GRK5: variants seen among roughly 807,000 people sequenced by gnomAD.
The protein encoded by GRK5 is g protein-coupled receptor kinase GRK5.
Under a neutral mutation model 78.4 loss-of-function variants are expected in GRK5, and 40 were observed. The observed-to-expected ratio is 0.51, with a 90% CI of 0.40 to 0.66. The LOEUF is 0.66. Among genes scored for constraint, GRK5 ranks in the 30% least tolerant of loss-of-function variants. The pLI is 0.00. For synonymous variants in GRK5, 289 were observed against 296.8 expected, an observed-to-expected ratio of 0.97 and a Z score of 0.27; for missense variants, 598 against 759.9, an observed-to-expected ratio of 0.79 and a Z score of 2.50.
intron 2 of GRK5, among the ~76,000 whole-genome samples, chr10:119,343,489 C>G (rs1379395640): frequency 6.6e-6 from 1 of 152,250 alleles, no homozygotes; most frequent in South Asian, 2.1e-4. Flanking sequence ...AAGTTGCTCA[C>G]AGGCACAGAT....
intron 1 of GRK5, among the ~76,000 whole-genome samples, chr10:119,252,638 C>G (rs1849222282): frequency 6.6e-6 from 1 of 152,192 alleles, no homozygotes; most frequent in South Asian, 2.1e-4. Flanking sequence ...CTAGAACAGT[C>G]TACCTTTCTA....
At position 119,336,646 on chromosome 10, in the gene GRK5, C is replaced by T. The variant is rs1237491934; in HGVS notation, c.148+10035C>T. 6.6e-6 allele frequency among the ~76,000 whole-genome samples: 1 copy of T among 152,182 alleles called. No homozygotes were observed. The highest frequency in any genetic ancestry group is 1.5e-5 in the Non-Finnish European group (1 of 68,034). On this transcript the variant is annotated intron_variant, in intron 2 of 15. Coordinates refer to ENST00000392870, the MANE Select transcript of GRK5 (RefSeq NM_005308.3). This position sits in a 1 kb window ranked among gnomAD's most constrained non-coding sequence, Gnocchi z 4.5. ...CAGAATCTCACACGTCTTGGTGACC[C>T]AGTCCCCTTCAGGCCTGCCTGGCTG...
intron 2 of GRK5, among the ~76,000 whole-genome samples, chr10:119,331,945 G>C (rs1321394755): frequency 1.3e-5 from 2 of 152,092 alleles, no homozygotes; most frequent in African/African-American, 4.8e-5. Context: ...TCAGAAGAAT[G>C]CTTTTATAGA....
rs750451687 is a variant in GRK5 at position 119,436,797 on chromosome 10, C to T, written c.885C>T (p.Ile295=). Residue 295 remains isoleucine (I), a synonymous_variant, in exon 9 of 16, where the codon ATC becomes ATT. Transcript: ENST00000392870. ...EERALFYAAE[I]LCGLEDLHRE... ...GGGCCTTGTTTTATGCGGCAGAGATCCTCTGCGGCTTAGAAGACCTCCACC... is the reference window on the plus strand; with the variant it reads ...GGGCCTTGTTTTATGCGGCAGAGATTCTCTGCGGCTTAGAAGACCTCCACC... The T allele has an allele frequency of 2.5e-5, 40 of 1,613,476 alleles. No individual in the cohort carries two copies. In the Admixed American group the frequency reaches 6.5e-4, roughly 26 times the overall value.
rs1419741414 is a variant in GRK5, at chr10:119,253,224, A to G, written c.52+45255A>G. On this transcript the variant is annotated intron_variant, in intron 1 of 15. Coordinates refer to ENST00000392870, the MANE Select transcript of GRK5 (RefSeq NM_005308.3). The surrounding 1 kb of genome is among the most constrained non-coding windows in gnomAD (Gnocchi z 5.7). ...TCACATCTGAGGGTCTGTTGAGATT[A>G]CAGAGGCCCTTGATAGAGTCCGAAA... Among the ~76,000 whole-genome samples the G allele has an allele frequency of 6.6e-6, 1 of 152,212 alleles. No homozygotes were observed. The highest frequency in any genetic ancestry group is 2.4e-5 in the African/African-American group (1 of 41,450).
intron 1 of GRK5, among the ~76,000 whole-genome samples, chr10:119,306,395 A>G (rs1174990897): frequency 3.9e-5 from 6 of 152,264 alleles, no homozygotes; most frequent in Admixed American, 1.3e-4. Context: ...CTTGGGGCGC[A>G]TGTGCGCTTC....
chr10:119,280,155 C>G (rs1849738998), intron 1 of GRK5, among the ~76,000 whole-genome samples: 2 of 152,174 alleles, frequency 1.3e-5, no homozygotes, highest in South Asian at 4.1e-4. Flanking sequence ...AGGCTTCTCC[C>G]TGGCCGTGCA....
At chr10:119,394,881 G>A (rs533459377) in intron 3 of GRK5, among the ~76,000 whole-genome samples, 10 of 143,666 alleles carry the variant, frequency 7.0e-5, no homozygotes, top group African/African-American at 1.3e-4. Context: ...TTAGGAGAGC[G>A]ACAGGGGGCA....
At chr10:119,365,632 C>T (rs1183346022) in intron 2 of GRK5, among the ~76,000 whole-genome samples, 1 of 152,202 alleles carries the variant, frequency 6.6e-6, no homozygotes, top group Non-Finnish European at 1.5e-5. Flanking sequence ...GGAGGCTAAG[C>T]ATGCCCTGGG....
At chr10:119,429,421 A>G (rs1852772669) in intron 6 of GRK5, among the ~76,000 whole-genome samples, 1 of 151,624 alleles carries the variant, frequency 6.6e-6, no homozygotes, top group Non-Finnish European at 1.5e-5. Context: ...TAGGAGCAGG[A>G]GTTTAGTCTT....
At position 119,379,384 on chromosome 10, in the gene GRK5, G is replaced by A. The variant is rs1851676419; in HGVS notation, c.149-1431G>A. ...CCACACTGACACTCACAGCTACCAC[G>A]AGATCCTCCCTCCCGGCAAGCCATA... is the stretch of plus-strand genomic sequence containing the variant. On this transcript the variant is annotated intron_variant, in intron 2 of 15. Transcript: ENST00000392870. This position sits in a 1 kb window ranked among gnomAD's most constrained non-coding sequence, Gnocchi z 4.1. Among the ~76,000 whole-genome samples, 1 of 152,136 alleles carries A rather than the reference G, an allele frequency of 6.6e-6. No homozygotes were observed.
At chr10:119,386,600 C>G (rs1026337147) in intron 3 of GRK5, among the ~76,000 whole-genome samples, 1 of 152,170 alleles carries the variant, frequency 6.6e-6, no homozygotes, top group African/African-American at 2.4e-5. Context: ...TCACATCTAC[C>G]CTAATGAAGC....
At chr10:119,241,900 T>C (rs1347053145) in intron 1 of GRK5, among the ~76,000 whole-genome samples, 2 of 152,172 alleles carry the variant, frequency 1.3e-5, no homozygotes, top group African/African-American at 2.4e-5. Flanking sequence ...ATTTGGGGCT[T>C]ATATACCATC....
At chr10:119,330,259 C>G (rs926881019) in intron 2 of GRK5, 3 of 151,634 alleles carry the variant, frequency 2.0e-5, no homozygotes, top group Non-Finnish European at 4.4e-5. Context: ...TCTCATTGTT[C>G]TGGAGGTGGG....
chr10:119,325,911 TG>T (rs1850669244), intron 1 of GRK5, among the ~76,000 whole-genome samples: 1 of 152,252 alleles, frequency 6.6e-6, no homozygotes, highest in Non-Finnish European at 1.5e-5. Flanking sequence ...AGTACTCGTG[TG>T]CACTGGGGAG....
At position 119,267,630 on chromosome 10, in the gene GRK5, C is replaced by T. The variant is rs773288718; in HGVS notation, c.53-58886C>T. 1.7e-4 allele frequency among the ~76,000 whole-genome samples: 26 copies of T among 152,146 alleles called. No individual in the cohort carries two copies. Among genetic ancestry groups the T allele is most frequent in the Non-Finnish European group, 3.5e-4 (24 of 68,026 alleles). ...GCAGGTAGATAGGCAATAAAAGCACCGAACCAGCCTTAGGTTCTATAGCAA... is the reference window on the plus strand; with the variant it reads ...GCAGGTAGATAGGCAATAAAAGCACTGAACCAGCCTTAGGTTCTATAGCAA... On this transcript the variant is annotated intron_variant, in intron 1 of 15. Coordinates refer to ENST00000392870, the MANE Select transcript of GRK5 (RefSeq NM_005308.3). This position sits in a 1 kb window ranked among gnomAD's most constrained non-coding sequence, Gnocchi z 4.1.
At chr10:119,425,126 G>A in intron 6 of GRK5, 41 bp downstream of exon 6, 3 of 1,388,290 alleles carry the variant, frequency 2.2e-6, no homozygotes, top group Non-Finnish European at 3.1e-6. Context: ...GAGGCAGAGG[G>A]TACACATTTT....
intron 2 of GRK5, among the ~76,000 whole-genome samples, chr10:119,327,729 A>G (rs1444558826): frequency 1.3e-5 from 2 of 152,186 alleles, no homozygotes; most frequent in Non-Finnish European, 2.9e-5. Context: ...TGGGCCACTC[A>G]GTCCACACTC....
At chr10:119,210,131 T>C (rs1252168328) in intron 1 of GRK5, among the ~76,000 whole-genome samples, 1 of 152,188 alleles carries the variant, frequency 6.6e-6, no homozygotes, top group Non-Finnish European at 1.5e-5. Flanking sequence ...TGCTCAAGAA[T>C]GTGCCTTTCA....
Sources: gnomAD v4.1 joint callset for allele counts (sites outside exome capture counted in the v4.1 genomes callset) on GRCh38, gnomAD v4.1.1 for gene constraint, Gnocchi (gnomAD v3.1) non-coding constraint, MANE v1.5 for transcripts, NCBI Gene and HGNC (gene_info 2026-07-23, HGNC 2026-07-21) for gene names.